Variants in UNC13C observed in about 807,000 individuals in gnomAD.
The protein encoded by UNC13C is unc-13 homolog C.
In UNC13C, 174 loss-of-function variants were observed where a neutral mutation model predicts 245.4. The ratio of observed to expected loss-of-function variants is 0.71; its 90% CI spans 0.63 to 0.80. The LOEUF (loss-of-function observed/expected upper bound fraction) is 0.80. UNC13C is among the 30% of genes least tolerant of loss of function. The probability of loss-of-function intolerance (pLI) is 0.00; values close to 1 mark genes in which losing one functional copy is unlikely to be tolerated. For synonymous variants in UNC13C, 992 were observed against 895.1 expected (o/e 1.11, Z -1.93); for missense variants, 2,829 against 2,602.9 (o/e 1.09, Z -1.89).
chr15:54,239,505 C>T (rs185007325), intron 7 of UNC13C, among the ~76,000 whole-genome samples: 41 of 152,332 alleles, frequency 2.7e-4, no homozygotes, highest in Admixed American at 2.5e-3. Context: ...AGCTGGAGTG[C>T]AGTGGTAGGG....
At chr15:54,526,566 C>A (rs539213922) in intron 25 of UNC13C, among the ~76,000 whole-genome samples, 292 of 151,228 alleles carry the variant, frequency 1.9e-3, no homozygotes, top group Non-Finnish European at 3.7e-3. Context: ...CCCGTCTCTA[C>A]TAAAAGTATA....
At chr15:54,096,541 A>C (rs1899874246) in intron 2 of UNC13C, among the ~76,000 whole-genome samples, 1 of 152,094 alleles carries the variant, frequency 6.6e-6, no homozygotes, top group Non-Finnish European at 1.5e-5. Flanking sequence ...TTCAATATGG[A>C]TTATGCCCCA....
chr15:54,291,546 G>C lies in UNC13C; in HGVS notation c.3819-2349G>C, dbSNP rs186184614. Among the ~76,000 whole-genome samples, 4 of 152,032 alleles carry C rather than the reference G, an allele frequency of 2.6e-5. No homozygotes were observed. In the East Asian group the frequency reaches 7.7e-4, roughly 29 times the overall value. On this transcript the variant is annotated intron_variant, in intron 10 of 32. Transcript: ENST00000260323. ...TAAACATAGGCTCTAACTTCAAAAA[G>C]AACGTGGAACTTGTGGAATAATGGC... is the stretch of plus-strand genomic sequence containing the variant.
At chr15:54,106,895 C>T (rs577511114) in intron 2 of UNC13C, among the ~76,000 whole-genome samples, 2 of 152,328 alleles carry the variant, frequency 1.3e-5, no homozygotes, top group East Asian at 1.9e-4. Context: ...TTCAGACTAA[C>T]AGCCACATGG....
At position 54,552,528 on chromosome 15, in the gene UNC13C, ATAATATAATTATATATTATATTG is replaced by A. The variant is rs1287268902; in HGVS notation, c.5877+2840_5877+2862del. ...AATTATATATTATATATTATATATA[ATAATATAATTATATATTATATTG>A]TATATAATTATATATTATATATAAT... On this transcript the variant is annotated intron_variant, in intron 28 of 32. Transcript: ENST00000260323. 3.9e-3 allele frequency among the ~76,000 whole-genome samples: 254 copies of A among 65,702 alleles called. 8 individuals are homozygous for A. The highest frequency in any genetic ancestry group is 0.019 in the African/African-American group (238 of 12,542). 43.1% of individuals were successfully genotyped at this position (65,702 alleles called of 152,430 possible). A position where few individuals can be genotyped will look rare whatever the true frequency, so the allele number is the denominator to read the frequency against.
the UNC13C span, among the ~76,000 whole-genome samples, chr15:53,869,636 A>G: frequency 7.2e-5 from 11 of 152,224 alleles, no homozygotes; most frequent in African/African-American, 2.4e-4. Context: ...TGAATAATAT[A>G]TGCTGACACA....
chr15:54,380,390 T>G (rs1401760663), intron 17 of UNC13C, among the ~76,000 whole-genome samples: 2 of 152,202 alleles, frequency 1.3e-5, no homozygotes, highest in African/African-American at 4.8e-5. Flanking sequence ...CTACTTAAGT[T>G]GATTCCATAT....
At chr15:54,416,957 C>T in intron 19 of UNC13C, 1 of 456,608 alleles carries the variant, frequency 2.2e-6, no homozygotes, top group Non-Finnish European at 4.4e-6. Context: ...TCCCACCAAT[C>T]TTCATAAGCA....
At chr15:54,220,714 TAA>T in intron 4 of UNC13C, among the ~76,000 whole-genome samples, 1 of 152,122 alleles carries the variant, frequency 6.6e-6, no homozygotes, top group South Asian at 2.1e-4. Context: ...TAAATGTAGT[TAA>T]AAGTACACTG....
At chr15:54,115,369 C>T (rs947442312) in intron 2 of UNC13C, among the ~76,000 whole-genome samples, 2 of 152,020 alleles carry the variant, frequency 1.3e-5, no homozygotes, top group African/African-American at 2.4e-5. Context: ...CAATTGCATC[C>T]TTCACTGTGG....
upstream of UNC13C, among the ~76,000 whole-genome samples, chr15:53,977,621 G>T (rs76339432): frequency 7.9e-3 from 1,204 of 152,192 alleles, 13 homozygotes; most frequent in African/African-American, 0.027. Context: ...ATTATTTCAG[G>T]CCTCAAGCTG....
intron 4 of UNC13C, among the ~76,000 whole-genome samples, chr15:54,167,385 C>T (rs1386265033): frequency 6.6e-6 from 1 of 150,832 alleles, no homozygotes; most frequent in East Asian, 2.0e-4. Flanking sequence ...GCCTGTAGTC[C>T]CAGCTACTCG....
At chr15:54,416,832 A>T in intron 19 of UNC13C, 1 of 447,300 alleles carries the variant, frequency 2.2e-6, no homozygotes, top group South Asian at 1.6e-5. Context: ...CCATTTATGC[A>T]GCTACTTAAG....
intron 17 of UNC13C, among the ~76,000 whole-genome samples, chr15:54,359,208 G>A (rs2039170359): frequency 4.6e-5 from 7 of 151,764 alleles, no homozygotes; most frequent in Admixed American, 4.6e-4. Flanking sequence ...TTTTTAATGT[G>A]TTGTTTAATT....
At chr15:54,029,472 C>G (rs1456513339) in intron 2 of UNC13C, among the ~76,000 whole-genome samples, 1 of 152,188 alleles carries the variant, frequency 6.6e-6, no homozygotes, top group Non-Finnish European at 1.5e-5. Context: ...GTAGCTGATA[C>G]TCATATTATC....
intron 10 of UNC13C, 123 bp downstream of exon 10, chr15:54,265,619 A>G: frequency 1.5e-6 from 1 of 686,844 alleles, no homozygotes; most frequent in East Asian, 3.0e-5. Context: ...AAGTAATAAA[A>G]AAGTAAAAGT....
At chr15:54,573,239 T>C (rs1897832299) in intron 30 of UNC13C, among the ~76,000 whole-genome samples, 1 of 152,188 alleles carries the variant, frequency 6.6e-6, no homozygotes, top group African/African-American at 2.4e-5. Flanking sequence ...TTTGTACTCC[T>C]TTCCTCCTTC....
intron 14 of UNC13C, among the ~76,000 whole-genome samples, chr15:54,323,725 C>G (rs1243754834): frequency 2.6e-5 from 4 of 152,038 alleles, no homozygotes; most frequent in Admixed American, 2.6e-4. Flanking sequence ...GATCATAGAA[C>G]AGCTTTGTTA....
the UNC13C span, among the ~76,000 whole-genome samples, chr15:53,863,834 G>A: frequency 2.0e-5 from 3 of 152,104 alleles, no homozygotes; most frequent in South Asian, 6.2e-4. Flanking sequence ...ACTTCTCTTT[G>A]TCTAAATTTT....
Sources: gnomAD v4.1 joint callset for allele counts (sites outside exome capture counted in the v4.1 genomes callset) on GRCh38, gnomAD v4.1.1 for gene constraint, MANE v1.5 for transcripts, NCBI Gene and HGNC (gene_info 2026-07-23, HGNC 2026-07-21) for gene names.